Variants in PLAGL1 observed in about 807,000 individuals in gnomAD.
The protein encoded by PLAGL1 is PLAG1 like zinc finger 1, also known as zinc finger protein PLAGL1.
A neutral mutation model predicts 4.6 loss-of-function variants in PLAGL1; 1 was observed. The observed-to-expected ratio is 0.22, with a 90% confidence interval of 0.08 to 1.03. PLAGL1 has a LOEUF of 1.03. Ranked by LOEUF, PLAGL1 falls within the 50% of genes least tolerant of loss-of-function variation. PLAGL1 has a pLI of 0.58. For synonymous variants in PLAGL1, 240 were observed against 237.8 expected (o/e 1.01, Z -0.08); for missense variants, 464 against 570.4 (o/e 0.81, Z 1.90).
At chr6:144,037,692 A>C (rs1291266846) in intron 1 of PLAGL1, 1 of 61,804 alleles carries the variant, frequency 1.6e-5, no homozygotes. Context: ...ATGCATATCA[A>C]CATTATGAAC....
rs1424808495 is a variant in PLAGL1, at chr6:143,995,472, ATAATT to A, written c.-583-10303_-583-10299del. Among the ~76,000 whole-genome samples, 6 of 152,332 alleles carry A rather than the reference ATAATT, an allele frequency of 3.9e-5. No homozygotes were observed. Among genetic ancestry groups the A allele is most frequent in the African/African-American group, 1.2e-4 (5 of 41,588 alleles). The stretch of plus-strand genomic sequence containing the variant: ...CCAAGGAAACATGATTCTAAACTAC[ATAATT>A]TAAACAGATTTCTATACTTTGTATT... On this transcript the variant is annotated intron_variant, in intron 1 of 7. Transcript: ENST00000674357. The surrounding 1 kb of genome is among the most constrained non-coding windows in gnomAD (Gnocchi z 4.4).
rs1792659186 is a variant in PLAGL1 at position 144,000,671 on chromosome 6, G to A, written c.-584+7419C>T. Among the ~76,000 whole-genome samples, 1 of 152,032 alleles carries A rather than the reference G, an allele frequency of 6.6e-6. No homozygotes were observed. Among genetic ancestry groups the A allele is most frequent in the African/African-American group, 2.4e-5 (1 of 41,422 alleles). On this transcript the variant is annotated intron_variant, in intron 1 of 7. Coordinates refer to ENST00000674357, the MANE Select transcript of PLAGL1 (RefSeq NM_001317162.2). The surrounding 1 kb of genome is among the most constrained non-coding windows in gnomAD (Gnocchi z 4.1). Reference sequence around the variant, plus strand: ...ACAGGTACTAAAACTCATATGGAATGGGAAAGGTCTAAAATTGCCAAACAA... The same window carrying A: ...ACAGGTACTAAAACTCATATGGAATAGGAAAGGTCTAAAATTGCCAAACAA...
Position 143,958,684 on chromosome 6 carries a change from C to T in PLAGL1, c.-325+1785G>A, listed in dbSNP as rs530595136. Among the ~76,000 whole-genome samples the T allele has an allele frequency of 1.7e-3, 253 of 152,300 alleles. 2 individuals carry two copies. Among genetic ancestry groups the T allele is most frequent in the African/African-American group, 5.5e-3 (230 of 41,558 alleles). The stretch of plus-strand genomic sequence containing the variant: ...TAATTTGAGAAATAAAAATATTTAT[C>T]ACTGGTCCTTTAAGATTATCCTGAT... On this transcript the variant is annotated intron_variant, in intron 6 of 7. Transcript: ENST00000674357. This position sits in a 1 kb window ranked among gnomAD's most constrained non-coding sequence, Gnocchi z 5.1.
intron 1 of PLAGL1, among the ~76,000 whole-genome samples, chr6:143,993,061 C>G (rs1013246644): frequency 1.7e-4 from 26 of 151,594 alleles, no homozygotes; most frequent in African/African-American, 5.3e-4. Context: ...GTAATCCCAG[C>G]ACTTTGGGAG....
chr6:143,988,810 T>A (rs2128625378), intron 1 of PLAGL1, among the ~76,000 whole-genome samples: 1 of 152,298 alleles, frequency 6.6e-6, no homozygotes, highest in East Asian at 1.9e-4. Context: ...TCTGTCCTTT[T>A]CTTATAAAGG....
chr6:143,984,517 C>T lies in PLAGL1; in HGVS notation c.-544+618G>A, dbSNP rs747427205. Reference sequence around the variant, plus strand: ...GCCAAGGTAGGTACTATCGGGAAGACTGTATTAGAGGTGCGTGTCTTCTTG... The same window carrying T: ...GCCAAGGTAGGTACTATCGGGAAGATTGTATTAGAGGTGCGTGTCTTCTTG... On this transcript the variant is annotated intron_variant, in intron 2 of 7. Transcript: ENST00000674357. The surrounding 1 kb of genome is among the most constrained non-coding windows in gnomAD (Gnocchi z 5.5). 1.1e-4 allele frequency among the ~76,000 whole-genome samples: 17 copies of T among 152,060 alleles called. No individual in the cohort carries two copies. Among genetic ancestry groups the T allele is most frequent in the Non-Finnish European group, 2.4e-4 (16 of 67,962 alleles).
In PLAGL1 at chr6:144,022,600, T is replaced by C. The variant is rs1055790935; in HGVS notation, c.-151+41868A>G. ...GGATCTGGTGCTGGTAATTGAATCA[T>C]GGGGACAGGTCTTTCCCATGCTGTT... On this transcript the variant is annotated intron_variant, in intron 1 of 3. Coordinates refer to the PLAGL1 transcript ENST00000437412. The surrounding 1 kb of genome is among the most constrained non-coding windows in gnomAD (Gnocchi z 4.2). Among the ~76,000 whole-genome samples the C allele has an allele frequency of 1.3e-5, 2 of 152,200 alleles. No individual in the cohort carries two copies. The highest frequency in any genetic ancestry group is 2.9e-5 in the Non-Finnish European group (2 of 68,030).
In PLAGL1 at chr6:143,973,578, C is replaced by T. The variant is rs553855418; in HGVS notation, c.-543-4600G>A. 1.3e-5 allele frequency among the ~76,000 whole-genome samples: 2 copies of T among 152,296 alleles called. No homozygotes were observed. Among genetic ancestry groups the T allele is most frequent in the South Asian group, 4.1e-4 (2 of 4,826 alleles). ...TCTCACTCTCCCTTTCTTCCTCCAT[C>T]CTACAACCCTACAAGCGATAGTCTC... On this transcript the variant is annotated intron_variant, in intron 2 of 7. Coordinates refer to ENST00000674357, the MANE Select transcript of PLAGL1 (RefSeq NM_001317162.2). The surrounding 1 kb of genome is among the most constrained non-coding windows in gnomAD (Gnocchi z 6.2).
intron 1 of PLAGL1, among the ~76,000 whole-genome samples, chr6:144,028,531 TAAAG>T (rs1796542072): frequency 6.6e-6 from 1 of 152,154 alleles, no homozygotes; most frequent in African/African-American, 2.4e-5. Flanking sequence ...AAAGGAGAAA[TAAAG>T]ATTTACTGTT....
chr6:144,001,878 C>T (rs1390785286), intron 1 of PLAGL1, among the ~76,000 whole-genome samples: 1 of 152,010 alleles, frequency 6.6e-6, no homozygotes, highest in African/African-American at 2.4e-5. Context: ...AACACATAAC[C>T]AGTACTCTTC....
At chr6:144,002,830 T>C (rs1456036959) in intron 1 of PLAGL1, among the ~76,000 whole-genome samples, 1 of 151,552 alleles carries the variant, frequency 6.6e-6, no homozygotes, top group East Asian at 1.9e-4. Flanking sequence ...AATGTTCACT[T>C]TCCCAAAGTT....
rs926075642 is a variant in PLAGL1 at position 143,949,746 on chromosome 6, A to G, written c.-324-1286T>C. ...GCTGAACTTTGCCAGTAAGCAGGGCACTTCATGGTAAACTGACCAATTGCA... is the reference window on the plus strand; with the variant it reads ...GCTGAACTTTGCCAGTAAGCAGGGCGCTTCATGGTAAACTGACCAATTGCA... On this transcript the variant is annotated intron_variant, in intron 6 of 7. Coordinates refer to ENST00000674357, the MANE Select transcript of PLAGL1 (RefSeq NM_001317162.2). This position sits in a 1 kb window ranked among gnomAD's most constrained non-coding sequence, Gnocchi z 5.3. Among the ~76,000 whole-genome samples, 1 of 152,198 alleles carries G rather than the reference A, an allele frequency of 6.6e-6. No homozygotes were observed. The highest frequency in any genetic ancestry group is 2.4e-5 in the African/African-American group (1 of 41,462).
chr6:144,062,148 C>A (rs749425866), intron 1 of PLAGL1, among the ~76,000 whole-genome samples: 1 of 152,160 alleles, frequency 6.6e-6, no homozygotes, highest in African/African-American at 2.4e-5. Context: ...GAGATGAAGG[C>A]GGGCAGATCA....
rs1267078478 is a variant in PLAGL1, at chr6:144,055,465, C to G, written c.-151+9003G>C. On this transcript the variant is annotated intron_variant, in intron 1 of 3. Coordinates refer to the PLAGL1 transcript ENST00000437412. This position sits in a 1 kb window ranked among gnomAD's most constrained non-coding sequence, Gnocchi z 5.0. The stretch of plus-strand genomic sequence containing the variant: ...GGAGGTTCTTATCTGTGTTAAATTG[C>G]TTTTGTCCCCAAATCTAGCTTCTTG... 6.6e-6 allele frequency among the ~76,000 whole-genome samples: 1 copy of G among 152,128 alleles called. No homozygotes were observed. Among genetic ancestry groups the G allele is most frequent in the Admixed American group, 6.6e-5 (1 of 15,258 alleles).
intron 1 of PLAGL1, among the ~76,000 whole-genome samples, chr6:144,046,077 A>T (rs1463408057): frequency 6.6e-6 from 1 of 152,072 alleles, no homozygotes; most frequent in Non-Finnish European, 1.5e-5. Context: ...CTAGTGAGCC[A>T]TTCATCTAAT....
In PLAGL1 at chr6:144,004,468, G is replaced by A. The variant is rs1260279845; in HGVS notation, c.-584+3622C>T. 6.6e-6 allele frequency among the ~76,000 whole-genome samples: 1 copy of A among 152,190 alleles called. No individual in the cohort carries two copies. The highest frequency in any genetic ancestry group is 1.5e-5 in the Non-Finnish European group (1 of 68,026). On this transcript the variant is annotated intron_variant, in intron 1 of 7. Coordinates refer to ENST00000674357, the MANE Select transcript of PLAGL1 (RefSeq NM_001317162.2). The surrounding 1 kb of genome is among the most constrained non-coding windows in gnomAD (Gnocchi z 4.2). ...ACAAAAATTCTTATACATGCAACAT[G>A]GATGAATACAATGTGAACAAAAGAA...
At chr6:144,042,875 G>A (rs1797846427) in intron 1 of PLAGL1, among the ~76,000 whole-genome samples, 1 of 152,174 alleles carries the variant, frequency 6.6e-6, no homozygotes, top group South Asian at 2.1e-4. Flanking sequence ...AGTTCTCCTT[G>A]AAGAGGTCCT....
At chr6:143,999,141 A>G (rs1562534193) in intron 1 of PLAGL1, among the ~76,000 whole-genome samples, 3 of 152,182 alleles carry the variant, frequency 2.0e-5, no homozygotes, top group Admixed American at 2.0e-4. Flanking sequence ...AAGGAAAGAT[A>G]TTAGAAAGTT....
chr6:143,957,830 G>C lies in PLAGL1; in HGVS notation c.-325+2639C>G, dbSNP rs1189001638. Among the ~76,000 whole-genome samples, 1 of 152,192 alleles carries C rather than the reference G, an allele frequency of 6.6e-6. No individual in the cohort carries two copies. Among genetic ancestry groups the C allele is most frequent in the Non-Finnish European group, 1.5e-5 (1 of 68,026 alleles). The stretch of plus-strand genomic sequence containing the variant: ...CACTAAATAAACAGAAAAAGGCCTT[G>C]AAGTACAGATAACTACATGGGAGCA... On this transcript the variant is annotated intron_variant, in intron 6 of 7. Coordinates refer to ENST00000674357, the MANE Select transcript of PLAGL1 (RefSeq NM_001317162.2). This position sits in a 1 kb window ranked among gnomAD's most constrained non-coding sequence, Gnocchi z 4.2.
Sources: gnomAD v4.1 joint callset for allele counts (sites outside exome capture counted in the v4.1 genomes callset) on GRCh38, gnomAD v4.1.1 for gene constraint, Gnocchi (gnomAD v3.1) non-coding constraint, MANE v1.5 for transcripts, NCBI Gene and HGNC (gene_info 2026-07-23, HGNC 2026-07-21) for gene names.